Variants in TBC1D32 observed in about 807,000 individuals in gnomAD.
The protein encoded by TBC1D32 is protein broad-minded.
In TBC1D32, 151 loss-of-function variants were observed where a neutral mutation model predicts 170.3. The observed-to-expected ratio is 0.89, with a 90% CI of 0.78 to 1.01. TBC1D32 has a LOEUF of 1.01. Ranked by LOEUF, TBC1D32 falls within the 50% of genes least tolerant of loss-of-function variation. The pLI is 0.00. For missense variants in TBC1D32, 1,464 were observed against 1,457.1 expected (o/e 1.00, Z -0.08); for synonymous variants, 498 against 488.0 (o/e 1.02, Z -0.27).
In TBC1D32 at chr6:121,222,523, C is replaced by A. The variant is rs187477275; in HGVS notation, c.2481+713G>T. Among the ~76,000 whole-genome samples the A allele has an allele frequency of 2.2e-3, 325 of 150,894 alleles. 2 individuals are homozygous for A. Among genetic ancestry groups the A allele is most frequent in the African/African-American group, 7.2e-3 (296 of 41,140 alleles). On this transcript the variant is annotated intron_variant, in intron 21 of 31. Transcript: ENST00000398212. ...AAAGTAGACAAAATTTTTAAAAATC[C>A]AAGTATTTAGGGTTAACAGGTTTAA...
rs1188605970 is a variant in TBC1D32, at chr6:121,079,578, AT to A, written c.*1192del. On this transcript the variant is annotated 3_prime_UTR_variant, in exon 32 of 32. Coordinates refer to ENST00000398212, the MANE Select transcript of TBC1D32 (RefSeq NM_152730.6). The stretch of plus-strand genomic sequence containing the variant: ...ACAGTATCTACAATTAGAAAAACTT[AT>A]TGAAATAAACTCATGACTAAAAATG... The A allele has an allele frequency of 6.6e-6, 1 of 152,172 alleles. No individual in the cohort carries two copies. Among genetic ancestry groups the A allele is most frequent in the African/African-American group, 2.4e-5 (1 of 41,470 alleles). The allele number at this position is 152,172 out of a possible 1,614,324, so 9.4% of individuals were successfully genotyped here. A position where few individuals can be genotyped will look rare whatever the true frequency, so the allele number is the denominator to read the frequency against.
intron 1 of TBC1D32, among the ~76,000 whole-genome samples, chr6:121,332,561 AGAATAT>A (rs1279700579): frequency 2.2e-4 from 34 of 152,314 alleles, no homozygotes; most frequent in Admixed American, 2.0e-3. Context: ...CCAAATTCCC[AGAATAT>A]GATACTAGCA....
At chr6:121,202,314 G>A (rs540772997) in intron 22 of TBC1D32, among the ~76,000 whole-genome samples, 13 of 143,128 alleles carry the variant, frequency 9.1e-5, no homozygotes, top group Admixed American at 4.1e-4. Context: ...AAAAGAAACC[G>A]CAGCAATAAG....
chr6:121,141,401 T>C (rs939782427), intron 24 of TBC1D32, among the ~76,000 whole-genome samples: 1 of 152,156 alleles, frequency 6.6e-6, no homozygotes, highest in Non-Finnish European at 1.5e-5. Context: ...GCAAAGCACT[T>C]ATCTCAAAAG....
chr6:121,098,170 A>T (rs1777631218), intron 30 of TBC1D32, among the ~76,000 whole-genome samples: 1 of 149,314 alleles, frequency 6.7e-6, no homozygotes, highest in African/African-American at 2.5e-5. Flanking sequence ...TGTTCTGCAC[A>T]TGTATCCCAG....
At chr6:121,173,798 C>T (rs1000299355) in intron 22 of TBC1D32, among the ~76,000 whole-genome samples, 30 of 151,962 alleles carry the variant, frequency 2.0e-4, no homozygotes, top group African/African-American at 6.3e-4. Flanking sequence ...TTCCATCTAA[C>T]CAGGAGCATG....
At chr6:121,101,571 A>G (rs1778067705) in intron 30 of TBC1D32, among the ~76,000 whole-genome samples, 1 of 152,160 alleles carries the variant, frequency 6.6e-6, no homozygotes, top group Non-Finnish European at 1.5e-5. Context: ...TAAATTAGGT[A>G]TTGATGGGAC....
In TBC1D32 at chr6:121,239,066, T is replaced by C. The variant is rs758495214; in HGVS notation, c.2364+4A>G. On this transcript the variant is annotated splice_donor_region_variant and intron_variant, in intron 20 of 31. Transcript: ENST00000398212. ...TGTGTATTATTAGTCAAATAACTTC[T>C]TACCTTTTGACAGCTTCGGTCAATA... 6.5e-7 allele frequency: 1 copy of C among 1,533,764 alleles called. No individual in the cohort carries two copies. Among genetic ancestry groups the C allele is most frequent in the South Asian group, 1.2e-5 (1 of 84,732 alleles).
chr6:121,276,862 A>T (rs1167194051), intron 15 of TBC1D32, among the ~76,000 whole-genome samples: 1 of 152,190 alleles, frequency 6.6e-6, no homozygotes, highest in Non-Finnish European at 1.5e-5. Flanking sequence ...AGACATAACA[A>T]TCCTTAATGT....
At chr6:121,284,082 C>T (rs979551652) in intron 12 of TBC1D32, among the ~76,000 whole-genome samples, 172 bp from the exon 13 acceptor site, 3 of 151,986 alleles carry the variant, frequency 2.0e-5, no homozygotes, top group African/African-American at 7.2e-5. Context: ...AAATTACATA[C>T]AAATTAAAAC....
chr6:121,324,404 T>C (rs1326877104), intron 1 of TBC1D32, among the ~76,000 whole-genome samples: 1 of 152,148 alleles, frequency 6.6e-6, no homozygotes, highest in East Asian at 1.9e-4. Flanking sequence ...TATTCGATGT[T>C]TAGATAGTAA....
chr6:121,154,890 T>C (rs922370203), intron 24 of TBC1D32, among the ~76,000 whole-genome samples: 1 of 152,210 alleles, frequency 6.6e-6, no homozygotes, highest in Non-Finnish European at 1.5e-5. Context: ...TACCATGCCA[T>C]GTTGGTTACT....
chr6:121,274,860 A>T (rs1409888310), intron 15 of TBC1D32, among the ~76,000 whole-genome samples: 1 of 152,188 alleles, frequency 6.6e-6, no homozygotes, highest in Non-Finnish European at 1.5e-5. Context: ...AAACTCCTGG[A>T]CTTTGGTATT....
At chr6:121,310,902 C>T (rs564119369) in intron 3 of TBC1D32, 55 bp from the exon 4 acceptor site, 2 of 947,480 alleles carry the variant, frequency 2.1e-6, no homozygotes, top group Admixed American at 2.1e-5. Flanking sequence ...AGAACTATTG[C>T]TATAAGTTAT....
intron 30 of TBC1D32, among the ~76,000 whole-genome samples, chr6:121,099,953 G>C (rs1562477591): frequency 6.6e-6 from 1 of 151,778 alleles, no homozygotes; most frequent in Non-Finnish European, 1.5e-5. Context: ...ATATAGCAGG[G>C]CTTGAGGTAT....
intron 24 of TBC1D32, among the ~76,000 whole-genome samples, chr6:121,142,943 A>G (rs1336312107): frequency 6.6e-6 from 1 of 152,162 alleles, no homozygotes; most frequent in Non-Finnish European, 1.5e-5. Flanking sequence ...GCTAACTGGT[A>G]CTTGCTTTTG....
intron 15 of TBC1D32, among the ~76,000 whole-genome samples, chr6:121,270,925 A>G (rs1360518995): frequency 1.2e-4 from 18 of 152,184 alleles, no homozygotes; most frequent in Admixed American, 8.5e-4. Context: ...AAACAAGTTG[A>G]CTTCATCCCT....
At position 121,294,229 on chromosome 6, in the gene TBC1D32, T is replaced by C. The variant is rs373572913; in HGVS notation, c.1231+341A>G. On this transcript the variant is annotated intron_variant, in intron 11 of 31. Transcript: ENST00000398212. Reference sequence around the variant, plus strand: ...AGTTTTTTTCCCATTAAAGTGCATATATGCCTGATTAGATGACTGATACAT... The same window carrying C: ...AGTTTTTTTCCCATTAAAGTGCATACATGCCTGATTAGATGACTGATACAT... Among the ~76,000 whole-genome samples, 16 of 152,248 alleles carry C rather than the reference T, an allele frequency of 1.1e-4. No individual in the cohort carries two copies. The East Asian group carries it at 3.1e-3, about 30-fold the overall frequency.
intron 24 of TBC1D32, among the ~76,000 whole-genome samples, chr6:121,148,500 C>A (rs1395939279): frequency 6.6e-6 from 1 of 152,134 alleles, no homozygotes. Flanking sequence ...GGTATATACA[C>A]ACTAATGGAA....
Sources: allele counts gnomAD v4.1 joint callset (sites outside exome capture counted in the v4.1 genomes callset), GRCh38; gene constraint gnomAD v4.1.1; transcripts MANE v1.5; gene names NCBI Gene and HGNC (gene_info 2026-07-23, HGNC 2026-07-21).